Variants in MIPOL1 observed in about 807,000 individuals in gnomAD.
The protein encoded by MIPOL1 is mirror-image polydactyly gene 1 protein.
MIPOL1 carries 57 observed loss-of-function variants against 60.9 expected under a neutral mutation model. That is an observed-to-expected ratio of 0.94 (90% CI 0.76 to 1.17). The LOEUF (loss-of-function observed/expected upper bound fraction) is 1.17. Ranked by LOEUF, MIPOL1 falls within the 50% of genes most tolerant of loss-of-function variation. The pLI, the probability that MIPOL1 is intolerant of heterozygous loss-of-function variation, is 0.00. For missense variants in MIPOL1, 551 were observed against 511.6 expected (o/e 1.08, Z -0.74); for synonymous variants, 179 against 168.8 (o/e 1.06, Z -0.47).
intron 10 of MIPOL1, among the ~76,000 whole-genome samples, chr14:37,404,744 G>C (rs958127839): frequency 6.6e-6 from 1 of 152,136 alleles, no homozygotes; most frequent in African/African-American, 2.4e-5. Context: ...TTTATCACCT[G>C]TATTAATAAT....
At chr14:37,290,961 G>A (rs925156726) in intron 7 of MIPOL1, among the ~76,000 whole-genome samples, 1 of 152,168 alleles carries the variant, frequency 6.6e-6, no homozygotes, top group Admixed American at 6.5e-5. Context: ...ATAACATGTG[G>A]TATTTAGTTT....
At chr14:37,314,450 A>C (rs1162610770) in intron 9 of MIPOL1, among the ~76,000 whole-genome samples, 4 of 152,220 alleles carry the variant, frequency 2.6e-5, no homozygotes, top group African/African-American at 9.6e-5. Context: ...TTCTAGGAAG[A>C]CTGCTGAAGA....
intron 1 of MIPOL1, among the ~76,000 whole-genome samples, chr14:37,213,570 A>G (rs1967074645): frequency 6.6e-6 from 1 of 152,190 alleles, no homozygotes; most frequent in Non-Finnish European, 1.5e-5. Flanking sequence ...TGCCTACAGG[A>G]TCCAGAAAAT....
At chr14:37,388,475 G>GT (rs1057389595) in intron 10 of MIPOL1, among the ~76,000 whole-genome samples, 9 of 145,960 alleles carry the variant, frequency 6.2e-5, no homozygotes, top group South Asian at 2.2e-4. Flanking sequence ...TTATTTTTGG[G>GT]TTTTTTTTGT....
chr14:37,375,626 A>T (rs1481939262), intron 10 of MIPOL1, among the ~76,000 whole-genome samples: 1 of 152,156 alleles, frequency 6.6e-6, no homozygotes, highest in Non-Finnish European at 1.5e-5. Flanking sequence ...GATATTTATT[A>T]TGTATTATCT....
Position 37,499,931 on chromosome 14 carries a change from A to C in MIPOL1, c.1055A>C (p.Glu352Ala). The change falls in exon 12 of 13, where the codon GAA becomes GCA. Residue 352 changes from glutamate (E) to alanine (A), a missense_variant. Glu to Ala is a moderately radical substitution (Grantham distance 107, BLOSUM62 -1). Transcript: ENST00000684589. ...YYSLHKSLSQ[E>A]ENLKDQFNYT... ...AGTTTACACAAATCTTTATCTCAAGAAGAAAATCTGAAGGATCAGTTTAAC... is the reference window on the plus strand; with the variant it reads ...AGTTTACACAAATCTTTATCTCAAGCAGAAAATCTGAAGGATCAGTTTAAC... The C allele has an allele frequency of 6.3e-7, 1 of 1,586,604 alleles. No individual in the cohort carries two copies. Among genetic ancestry groups the C allele is most frequent in the South Asian group, 1.2e-5 (1 of 86,348 alleles).
chr14:37,209,592 G>A (rs753419744), intron 1 of MIPOL1, among the ~76,000 whole-genome samples: 4 of 152,132 alleles, frequency 2.6e-5, no homozygotes, highest in South Asian at 2.1e-4. Flanking sequence ...CCCAGGAGGC[G>A]GAGGTTGCAG....
intron 10 of MIPOL1, among the ~76,000 whole-genome samples, chr14:37,420,591 C>G (rs1257327717): frequency 6.6e-6 from 1 of 152,042 alleles, no homozygotes; most frequent in Admixed American, 6.6e-5. Flanking sequence ...TTGAGTGTTT[C>G]AACAATGCAT....
chr14:37,514,836 A>G (rs2095357083), intron 12 of MIPOL1, among the ~76,000 whole-genome samples: 1 of 151,958 alleles, frequency 6.6e-6, no homozygotes, highest in Non-Finnish European at 1.5e-5. Flanking sequence ...GGTCAGGTAT[A>G]CTCATCTAAA....
At chr14:37,387,074 G>A (rs1026953468) in intron 10 of MIPOL1, among the ~76,000 whole-genome samples, 1 of 151,808 alleles carries the variant, frequency 6.6e-6, no homozygotes, top group African/African-American at 2.4e-5. Context: ...AAAACCGTAA[G>A]TTTGGTGTTG....
At chr14:37,526,401 G>A (rs139713369) in intron 12 of MIPOL1, among the ~76,000 whole-genome samples, 1,518 of 141,194 alleles carry the variant, frequency 0.011, 37 homozygotes, top group African/African-American at 0.038. Context: ...ACGGAGTCTC[G>A]TTCTGTCGTC....
At chr14:37,283,423 A>C (rs2084292715) in intron 6 of MIPOL1, among the ~76,000 whole-genome samples, 1 of 152,158 alleles carries the variant, frequency 6.6e-6, no homozygotes, top group Admixed American at 6.5e-5. Flanking sequence ...ATAAACTATT[A>C]TTAATATAAT....
intron 12 of MIPOL1, chr14:37,545,852 T>C: frequency 2.4e-6 from 1 of 408,652 alleles, no homozygotes; most frequent in South Asian, 6.2e-5. Flanking sequence ...CCCTCATGCA[T>C]GGATCCATAT....
intron 3 of MIPOL1, among the ~76,000 whole-genome samples, chr14:37,255,767 T>G (rs937247897): frequency 3.9e-5 from 6 of 151,972 alleles, no homozygotes; most frequent in African/African-American, 1.4e-4. Context: ...TGGATGAAAT[T>G]GATAATACTT....
At chr14:37,461,896 GGTGTTGA>G (rs1405484314) in intron 11 of MIPOL1, among the ~76,000 whole-genome samples, 1 of 152,174 alleles carries the variant, frequency 6.6e-6, no homozygotes, top group Non-Finnish European at 1.5e-5. Context: ...TTCATGGGCT[GGTGTTGA>G]GTGTCTGCAA....
intron 11 of MIPOL1, among the ~76,000 whole-genome samples, chr14:37,489,440 G>A (rs1421092538): frequency 6.6e-6 from 1 of 152,024 alleles, no homozygotes; most frequent in Non-Finnish European, 1.5e-5. Flanking sequence ...ACCTACTAAA[G>A]CCTACTTCTG....
chr14:37,515,736 T>C (rs916684272), intron 12 of MIPOL1, among the ~76,000 whole-genome samples: 4 of 150,188 alleles, frequency 2.7e-5, no homozygotes, highest in Non-Finnish European at 6.0e-5. Context: ...CCTAAATCTT[T>C]CCCAGAATGA....
chr14:37,224,367 TAA>T lies in MIPOL1; in HGVS notation c.-198-22734_-198-22733del, dbSNP rs138193600. Reference sequence around the variant, plus strand: ...TATTAGTCCACTTTCATGCTGCTGATAAAGACATACCCATGACCAGGCAATTT... The same window carrying T: ...TATTAGTCCACTTTCATGCTGCTGATAGACATACCCATGACCAGGCAATTT... On this transcript the variant is annotated intron_variant, in intron 1 of 12. Coordinates refer to ENST00000684589, the MANE Select transcript of MIPOL1 (RefSeq NM_001388067.1). Among the ~76,000 whole-genome samples the T allele has an allele frequency of 5.6e-3, 858 of 152,236 alleles. 8 individuals are homozygous for T. Among genetic ancestry groups the T allele is most frequent in the African/African-American group, 0.02 (836 of 41,520 alleles).
At chr14:37,324,232 G>A (rs2088912599) in intron 9 of MIPOL1, among the ~76,000 whole-genome samples, 1 of 151,972 alleles carries the variant, frequency 6.6e-6, no homozygotes, top group Non-Finnish European at 1.5e-5. Context: ...ACTTGCTATT[G>A]TCACTGTCTT....
Sources: gnomAD v4.1 joint callset for allele counts (sites outside exome capture counted in the v4.1 genomes callset) on GRCh38, gnomAD v4.1.1 for gene constraint, MANE v1.5 for transcripts, NCBI Gene and HGNC (gene_info 2026-07-23, HGNC 2026-07-21) for gene names.